Variants in PCBP3 observed in about 807,000 individuals in gnomAD.
PCBP3 encodes the protein poly(rC) binding protein 3, also known as poly(rC)-binding protein 3.
Under a neutral mutation model 52.7 loss-of-function variants are expected in PCBP3, and 25 were observed. The ratio of observed to expected loss-of-function variants is 0.47; its 90% CI spans 0.35 to 0.66. The LOEUF is 0.66. PCBP3 is among the 30% of genes least tolerant of loss of function. The pLI is 0.01. For missense variants in PCBP3, 391 were observed against 490.3 expected (o/e 0.80, Z 1.91); for synonymous variants, 162 against 183.0 (o/e 0.89, Z 0.93).
At chr21:45,762,518 C>T (rs2145528586) in intron 4 of PCBP3, 1 of 44,342 alleles carries the variant, frequency 2.3e-5, no homozygotes, top group Admixed American at 2.6e-4. Context: ...GAGACAGAGT[C>T]TCACTCTGTC....
chr21:45,643,750 C>A lies in PCBP3; in HGVS notation c.-397C>A, dbSNP rs1278107856. ...GCCTCAGCCGCCTCAGCCGCGGTCG[C>A]CGCCGCTTCGGCTGACTTAGGCTCC... On this transcript the variant is annotated 5_prime_UTR_variant, in exon 1 of 18. Transcript: ENST00000681687. 1 of 148,594 alleles carries A rather than the reference C, an allele frequency of 6.7e-6. No homozygotes were observed. The highest frequency in any genetic ancestry group is 1.5e-5 in the Non-Finnish European group (1 of 66,714). The allele number at this position is 148,594 out of a possible 1,614,324, so 9.2% of individuals were successfully genotyped here.
At chr21:45,739,555 G>C in intron 3 of PCBP3, among the ~76,000 whole-genome samples, 2 of 101,728 alleles carry the variant, frequency 2.0e-5, no homozygotes, top group Admixed American at 1.3e-4. Context: ...TTCTTCATCA[G>C]CCCATCCTTC....
intron 2 of PCBP3, among the ~76,000 whole-genome samples, chr21:45,717,101 T>C (rs1408289326): frequency 6.6e-6 from 1 of 152,206 alleles, no homozygotes; most frequent in Non-Finnish European, 1.5e-5. Context: ...TTTTTTATTA[T>C]TTTTGCTGCT....
intron 4 of PCBP3, among the ~76,000 whole-genome samples, chr21:45,764,839 C>T (rs1449395520): frequency 2.6e-5 from 4 of 151,264 alleles, no homozygotes; most frequent in African/African-American, 7.3e-5. Context: ...TAATTATAAG[C>T]GTGGAGACAG....
In PCBP3 at chr21:45,704,430, T is replaced by C. The variant is rs955232847; in HGVS notation, c.-199-30962T>C. On this transcript the variant is annotated intron_variant, in intron 2 of 17. Coordinates refer to ENST00000681687, the MANE Select transcript of PCBP3 (RefSeq NM_001384156.1). This position sits in a 1 kb window ranked among gnomAD's most constrained non-coding sequence, Gnocchi z 4.1. ...TGCAGGACATGCTATCCTCTGTTGC[T>C]GTGGTCTGCGGGCCAGCTGCAGACT... Among the ~76,000 whole-genome samples, 1 of 152,182 alleles carries C rather than the reference T, an allele frequency of 6.6e-6. No individual in the cohort carries two copies. The highest frequency in any genetic ancestry group is 1.5e-5 in the Non-Finnish European group (1 of 68,024).
At position 45,847,468 on chromosome 21, in the gene PCBP3, G is replaced by A. The variant is rs560903087; in HGVS notation, c.-125-2493G>A. 4.2e-4 allele frequency among the ~76,000 whole-genome samples: 64 copies of A among 152,196 alleles called. No individual in the cohort carries two copies. The South Asian group carries it at 0.011, about 27-fold the overall frequency. On this transcript the variant is annotated intron_variant, in intron 4 of 17. Coordinates refer to ENST00000681687, the MANE Select transcript of PCBP3 (RefSeq NM_001384156.1). ...TTTTGTTTATGTCAAATTTCCCAGTGGTCTCTTGGCTTGAGGAAGATTCTT... is the reference window on the plus strand; with the variant it reads ...TTTTGTTTATGTCAAATTTCCCAGTAGTCTCTTGGCTTGAGGAAGATTCTT...
Position 45,824,686 on chromosome 21 carries a change from G to T in PCBP3, c.-125-25275G>T, listed in dbSNP as rs139865653. ...CTGAGGGTCTGCATGGACTCATGGTGTGGATGGGTTTCTGAGGGTGTTGGT... is the reference window on the plus strand; with the variant it reads ...CTGAGGGTCTGCATGGACTCATGGTTTGGATGGGTTTCTGAGGGTGTTGGT... On this transcript the variant is annotated intron_variant, in intron 4 of 17. Transcript: ENST00000681687. Among the ~76,000 whole-genome samples the T allele has an allele frequency of 2.4e-3, 359 of 152,310 alleles. 6 individuals are homozygous for T. Among genetic ancestry groups the T allele is most frequent in the African/African-American group, 8.0e-3 (334 of 41,568 alleles).
chr21:45,764,119 C>CTTTTTTTTTTTTTTTTT (rs71185167), intron 4 of PCBP3, among the ~76,000 whole-genome samples: 5 of 119,782 alleles, frequency 4.2e-5, no homozygotes, highest in Admixed American at 8.1e-5. Flanking sequence ...TTTTTTTTTT[C>CTTTTTTTTTTTTTTTTT]TTTTTTTTTT....
intron 4 of PCBP3, among the ~76,000 whole-genome samples, chr21:45,835,657 C>T (rs552715371): frequency 2.6e-5 from 4 of 152,346 alleles, no homozygotes; most frequent in Admixed American, 6.5e-5. Flanking sequence ...AGAGCCTGGG[C>T]GTGGCCCCAC....
Position 45,910,903 on chromosome 21 carries a change from C to A in PCBP3, c.473C>A (p.Ser158Tyr). The change falls in exon 11 of 18, where the codon TCC (serine) becomes TAC (tyrosine). Residue 158 changes from serine to tyrosine, a missense_variant and splice_region_variant. By Grantham distance (144) the Ser-to-Tyr change is moderately radical (BLOSUM62 -2). Transcript: ENST00000681687. ...CCTTCCAATGTCCCCTCTCTCCAGT[C>A]CACAGGTGCCCAGGTGCAGGTGGCT... The part of the protein sequence containing the change: ...GGSKIKEIRE[S>Y]TGAQVQVAGD... The A allele has an allele frequency of 6.2e-7, 1 of 1,604,554 alleles. No homozygotes were observed. The highest frequency in any genetic ancestry group is 1.1e-5 in the South Asian group (1 of 90,510).
intron 1 of PCBP3, among the ~76,000 whole-genome samples, chr21:45,660,152 T>C (rs2080292177): frequency 6.6e-6 from 1 of 151,868 alleles, no homozygotes; most frequent in Non-Finnish European, 1.5e-5. Context: ...CACACACATA[T>C]ATATATGTAT....
intron 4 of PCBP3, among the ~76,000 whole-genome samples, chr21:45,814,995 GGTGA>G (rs369515990): frequency 4.6e-4 from 55 of 120,194 alleles, no homozygotes; most frequent in Non-Finnish European, 5.3e-4. Context: ...GTGAGTGAGT[GGTGA>G]GTGAGTGGTG....
rs766408741 is a variant in PCBP3 at position 45,930,018 on chromosome 21, ACCT to A, written c.796+27_796+29del. On this transcript the variant is annotated intron_variant, in intron 14 of 17. Transcript: ENST00000681687. Reference sequence around the variant, plus strand: ...CCGGTACGTACCCAGCCCTTTTCTCACCTCCTTCTCTTCTCACCTGGGGACTTT... The same window carrying A: ...CCGGTACGTACCCAGCCCTTTTCTCACCTTCTCTTCTCACCTGGGGACTTT... 43 of 1,539,448 alleles carry A rather than the reference ACCT, an allele frequency of 2.8e-5. No individual in the cohort carries two copies. The African/African-American group carries it at 4.8e-4, about 17-fold the overall frequency.
chr21:45,655,732 A>G (rs370287804), intron 1 of PCBP3, among the ~76,000 whole-genome samples: 12 of 152,238 alleles, frequency 7.9e-5, no homozygotes, highest in African/African-American at 2.7e-4. Flanking sequence ...AACCTACAGA[A>G]TGGGAGAACG....
intron 1 of PCBP3, among the ~76,000 whole-genome samples, chr21:45,646,159 G>A (rs969379540): frequency 2.8e-5 from 4 of 144,614 alleles, no homozygotes; most frequent in African/African-American, 1.0e-4. Flanking sequence ...TGGGGCAGGG[G>A]GAGCTCAAAC....
rs1455091276 is a variant in PCBP3 at position 45,785,934 on chromosome 21, G to C, written c.-126+30482G>C. Among the ~76,000 whole-genome samples, 778 of 150,194 alleles carry C rather than the reference G, an allele frequency of 5.2e-3. 5 individuals are homozygous for C. The highest frequency in any genetic ancestry group is 0.018 in the African/African-American group (725 of 40,530). ...TTTGTTAAACAGACGCTTGAAGGCA[G>C]CATGCTCGTTAAGAGTCATCACCAC... is the stretch of plus-strand genomic sequence containing the variant. On this transcript the variant is annotated intron_variant, in intron 4 of 17. Coordinates refer to ENST00000681687, the MANE Select transcript of PCBP3 (RefSeq NM_001384156.1).
chr21:45,905,570 C>T (rs532871215), intron 9 of PCBP3, among the ~76,000 whole-genome samples: 4 of 152,272 alleles, frequency 2.6e-5, no homozygotes, highest in Admixed American at 6.5e-5. Context: ...ACGGCAGACG[C>T]TGGTTCTCTC....
chr21:45,866,309 A>G (rs2094722330), intron 5 of PCBP3, among the ~76,000 whole-genome samples: 1 of 152,188 alleles, frequency 6.6e-6, no homozygotes, highest in Non-Finnish European at 1.5e-5. Flanking sequence ...TATGAACCAG[A>G]CAGACCTGTG....
Position 45,832,388 on chromosome 21 carries a change from C to T in PCBP3, c.-125-17573C>T, listed in dbSNP as rs1236301024. On this transcript the variant is annotated intron_variant, in intron 4 of 17. Coordinates refer to ENST00000681687, the MANE Select transcript of PCBP3 (RefSeq NM_001384156.1). ...ATCTTGTGCTGACCTCCTATCTCAT[C>T]CCAAGACTTAGAATGCTTAACCATC... Among the ~76,000 whole-genome samples the T allele has an allele frequency of 3.9e-5, 6 of 152,138 alleles. No homozygotes were observed. In the East Asian group the frequency reaches 1.2e-3, roughly 29 times the overall value.
Sources: gnomAD v4.1 joint callset for allele counts (sites outside exome capture counted in the v4.1 genomes callset) on GRCh38, gnomAD v4.1.1 for gene constraint, Gnocchi (gnomAD v3.1) non-coding constraint, MANE v1.5 for transcripts, NCBI Gene and HGNC (gene_info 2026-07-23, HGNC 2026-07-21) for gene names.